Variants in PPP2R5E observed in about 807,000 individuals in gnomAD.
PPP2R5E encodes protein phosphatase 2 regulatory subunit B'epsilon, also known as serine/threonine-protein phosphatase 2A 56 kDa regulatory subunit epsilon isoform.
Under a neutral mutation model 65.3 loss-of-function variants are expected in PPP2R5E, and 4 were observed. That is an observed-to-expected ratio of 0.06 (90% confidence interval 0.03 to 0.14). The LOEUF (loss-of-function observed/expected upper bound fraction) is 0.14, where lower values mean the gene tolerates loss of function less well. PPP2R5E is among the 10% of genes least tolerant of loss of function. The pLI is 1.00. For synonymous variants in PPP2R5E, 183 were observed against 187.4 expected (o/e 0.98, Z 0.19); for missense variants, 274 against 556.1 (o/e 0.49, Z 5.10).
chr14:63,528,482 T>A (rs944924501), intron 2 of PPP2R5E, among the ~76,000 whole-genome samples: 1 of 152,198 alleles, frequency 6.6e-6, no homozygotes, highest in African/African-American at 2.4e-5. Flanking sequence ...TTTTCGTCTA[T>A]AAAATCCACT....
intron 4 of PPP2R5E, among the ~76,000 whole-genome samples, chr14:63,416,963 A>AT (rs1886728812): frequency 1.3e-5 from 2 of 152,196 alleles, no homozygotes; most frequent in African/African-American, 4.8e-5. Context: ...ATAATTGTAG[A>AT]TATTCTTCTT....
At chr14:63,495,452 T>C (rs1453926321) in intron 2 of PPP2R5E, among the ~76,000 whole-genome samples, 1 of 137,098 alleles carries the variant, frequency 7.3e-6, no homozygotes, top group Non-Finnish European at 1.6e-5. Flanking sequence ...GGCAATGTGG[T>C]GACCTGTAAT....
At chr14:63,441,962 G>A (rs1178095846) in intron 3 of PPP2R5E, among the ~76,000 whole-genome samples, 1 of 150,352 alleles carries the variant, frequency 6.7e-6, no homozygotes, top group Non-Finnish European at 1.5e-5. Context: ...GTTAACCTAA[G>A]AGGGTTCAGT....
chr14:63,415,432 C>G (rs1211041423), intron 4 of PPP2R5E, among the ~76,000 whole-genome samples, 200 bp from the exon 5 acceptor site: 1 of 152,078 alleles, frequency 6.6e-6, no homozygotes, highest in Non-Finnish European at 1.5e-5. Flanking sequence ...TTAGAAAATA[C>G]AACTAAACAA....
intron 2 of PPP2R5E, among the ~76,000 whole-genome samples, chr14:63,462,894 G>C (rs190879292): frequency 1.3e-5 from 2 of 151,944 alleles, no homozygotes; most frequent in East Asian, 3.9e-4. Context: ...CCTGAGGTCG[G>C]GAGTTCGAGA....
chr14:63,540,653 G>A (rs1344005426), intron 1 of PPP2R5E, among the ~76,000 whole-genome samples: 1 of 151,158 alleles, frequency 6.6e-6, no homozygotes, highest in Non-Finnish European at 1.5e-5. Context: ...AACCCGGGAG[G>A]CGGAGTTGTG....
At chr14:63,430,655 AGCATTT>A (rs1887625306) in intron 3 of PPP2R5E, among the ~76,000 whole-genome samples, 1 of 152,192 alleles carries the variant, frequency 6.6e-6, no homozygotes, top group Non-Finnish European at 1.5e-5. Flanking sequence ...AAGATCTCAA[AGCATTT>A]GTAATTATGC....
chr14:63,411,398 T>C (rs977435547), intron 5 of PPP2R5E, among the ~76,000 whole-genome samples: 3 of 152,166 alleles, frequency 2.0e-5, no homozygotes, highest in Non-Finnish European at 4.4e-5. Context: ...TTTTTCTTTT[T>C]TTTAAAATTA....
At chr14:63,431,043 G>A (rs1424407350) in intron 3 of PPP2R5E, among the ~76,000 whole-genome samples, 1 of 152,186 alleles carries the variant, frequency 6.6e-6, no homozygotes, top group Admixed American at 6.5e-5. Flanking sequence ...GCCAAGGCAG[G>A]CAGATCACAA....
intron 3 of PPP2R5E, among the ~76,000 whole-genome samples, chr14:63,425,153 T>C (rs1261635168): frequency 6.6e-6 from 1 of 152,198 alleles, no homozygotes; most frequent in African/African-American, 2.4e-5. Flanking sequence ...TCTTATTCGT[T>C]AGCCTAGATG....
At chr14:63,488,905 A>T (rs1891144866) in intron 2 of PPP2R5E, among the ~76,000 whole-genome samples, 1 of 151,614 alleles carries the variant, frequency 6.6e-6, no homozygotes, top group Non-Finnish European at 1.5e-5. Context: ...AAAAATTCCC[A>T]AAAAGACTTT....
At chr14:63,469,376 C>T (rs943399341) in intron 2 of PPP2R5E, among the ~76,000 whole-genome samples, 3 of 152,172 alleles carry the variant, frequency 2.0e-5, no homozygotes, top group African/African-American at 2.4e-5. Context: ...GCAAGATTTG[C>T]ACCTATTAAT....
intron 11 of PPP2R5E, among the ~76,000 whole-genome samples, chr14:63,385,484 C>T (rs571924245): frequency 6.6e-6 from 1 of 152,284 alleles, no homozygotes; most frequent in Non-Finnish European, 1.5e-5. Flanking sequence ...TCACTGGTCC[C>T]CTTTCTTATG....
At chr14:63,435,405 T>C (rs1012602878) in intron 3 of PPP2R5E, among the ~76,000 whole-genome samples, 1 of 152,170 alleles carries the variant, frequency 6.6e-6, no homozygotes, top group Non-Finnish European at 1.5e-5. Context: ...GTTCTTTACA[T>C]ATTCTTAATT....
At position 63,379,828 on chromosome 14, in the gene PPP2R5E, T is replaced by TCTCTC. The variant is rs1566660727; in HGVS notation, c.1304+2227_1304+2228insGAGAG. Among the ~76,000 whole-genome samples, 63 of 72,608 alleles carry TCTCTC rather than the reference T, an allele frequency of 8.7e-4. 2 individuals are homozygous for TCTCTC. In the East Asian group the frequency reaches 9.9e-3, roughly 11 times the overall value. 47.6% of individuals were successfully genotyped at this position (72,608 alleles called of 152,430 possible). On this transcript the variant is annotated intron_variant, in intron 13 of 13. Coordinates refer to ENST00000337537, the MANE Select transcript of PPP2R5E (RefSeq NM_006246.5). ...AGTTGTTCTTCAATATTCTCTCTCT[T>TCTCTC]TTTTTTTTTTTTTTTTTTTTTTTTG...
chr14:63,458,456 A>G (rs1160775723), intron 2 of PPP2R5E, among the ~76,000 whole-genome samples: 1 of 152,210 alleles, frequency 6.6e-6, no homozygotes, highest in Non-Finnish European at 1.5e-5. Flanking sequence ...ATATGTGCCC[A>G]GTCTCTTGAG....
chr14:63,530,638 T>C (rs1383657122), intron 2 of PPP2R5E, among the ~76,000 whole-genome samples: 2 of 140,882 alleles, frequency 1.4e-5, no homozygotes, highest in Admixed American at 7.0e-5. Context: ...TTCTTTTTTT[T>C]TTTTTTTTTT....
chr14:63,404,417 A>G (rs1885951341), intron 5 of PPP2R5E, among the ~76,000 whole-genome samples: 1 of 152,202 alleles, frequency 6.6e-6, no homozygotes. Flanking sequence ...ACTTTCTCCT[A>G]CTACCTGAAA....
rs141770660 is a variant in PPP2R5E at position 63,500,431 on chromosome 14, T to C, written c.157+39098A>G. ...GCTAAGTCTTTGTGACAGGAAATCG[T>C]TTACATTGACTAAATTCTAAACTCA... On this transcript the variant is annotated intron_variant, in intron 2 of 13. Transcript: ENST00000337537. Among the ~76,000 whole-genome samples the C allele has an allele frequency of 3.1e-4, 47 of 152,298 alleles. 1 individual carries two copies. Among genetic ancestry groups the C allele is most frequent in the African/African-American group, 1.1e-3 (47 of 41,556 alleles).
Sources: gnomAD v4.1 joint callset for allele counts (sites outside exome capture counted in the v4.1 genomes callset) on GRCh38, gnomAD v4.1.1 for gene constraint, MANE v1.5 for transcripts, NCBI Gene and HGNC (gene_info 2026-07-23, HGNC 2026-07-21) for gene names.